Variants in RARB observed in about 807,000 individuals in gnomAD.
RARB encodes the protein retinoic acid receptor beta.
RARB carries 17 observed loss-of-function variants against 51.9 expected under a neutral mutation model. That is an observed-to-expected ratio of 0.33 (90% CI 0.22 to 0.49). The LOEUF is 0.49. Among genes scored for constraint, RARB ranks in the 20% least tolerant of loss-of-function variants. The probability of loss-of-function intolerance (pLI) is 0.99; values close to 1 mark genes in which losing one functional copy is unlikely to be tolerated. For synonymous variants in RARB, 215 were observed against 195.4 expected (o/e 1.10, Z -0.84); for missense variants, 369 against 550.8 (o/e 0.67, Z 3.30).
chr3:25,359,234 T>A (rs1382522381), intron 5 of RARB, among the ~76,000 whole-genome samples: 1 of 152,208 alleles, frequency 6.6e-6, no homozygotes, highest in Admixed American at 6.5e-5. Context: ...TAAGAATTTA[T>A]CCATTTCTTG....
chr3:25,175,593 C>A lies in RARB; in HGVS notation c.178+1018C>A, dbSNP rs1177282375. On this transcript the variant is annotated intron_variant, in intron 5 of 11. Transcript: ENST00000383772. ...GGAGCTTGTTCTACCTAAGTAGAAT[C>A]CCCGGTACATTGCCTTCAAAAATAG... is the stretch of plus-strand genomic sequence containing the variant. Among the ~76,000 whole-genome samples, 4 of 152,166 alleles carry A rather than the reference C, an allele frequency of 2.6e-5. No individual in the cohort carries two copies. The South Asian group carries it at 6.2e-4, about 24-fold the overall frequency.
chr3:25,157,563 A>G (rs1293481681), intron 4 of RARB, among the ~76,000 whole-genome samples: 1 of 89,898 alleles, frequency 1.1e-5, no homozygotes, highest in East Asian at 4.3e-4. Flanking sequence ...ACACCCAGCT[A>G]ATTTTTTATT....
intron 3 of RARB, among the ~76,000 whole-genome samples, chr3:25,536,926 T>C (rs1420617307): frequency 6.6e-6 from 1 of 152,194 alleles, no homozygotes; most frequent in African/African-American, 2.4e-5. Flanking sequence ...GAAACCCACA[T>C]TGTGCTAAAC....
chr3:24,913,011 CGCT>C, intron 2 of RARB, among the ~76,000 whole-genome samples: 1 of 70,650 alleles, frequency 1.4e-5, no homozygotes, highest in Middle Eastern at 0.011. Context: ...GACAGAGTCT[CGCT>C]CTGTCGCTCA....
At chr3:25,206,594 G>T (rs1425718059) in intron 5 of RARB, among the ~76,000 whole-genome samples, 1 of 151,844 alleles carries the variant, frequency 6.6e-6, no homozygotes, top group Non-Finnish European at 1.5e-5. Flanking sequence ...ATCTTTCTAA[G>T]CTTCCCGTGT....
intron 2 of RARB, among the ~76,000 whole-genome samples, chr3:25,033,915 A>G (rs1697930268): frequency 6.6e-6 from 1 of 152,194 alleles, no homozygotes; most frequent in Admixed American, 6.5e-5. Flanking sequence ...TTTTCTCCTC[A>G]TGAATAGTTG....
chr3:25,152,395 C>T (rs1014919654), intron 4 of RARB, among the ~76,000 whole-genome samples: 1 of 152,124 alleles, frequency 6.6e-6, no homozygotes, highest in African/African-American at 2.4e-5. Context: ...ACTTTCTGTT[C>T]TTCTTGGGTC....
chr3:25,103,961 T>G (rs1218498565), intron 3 of RARB, among the ~76,000 whole-genome samples: 1 of 152,176 alleles, frequency 6.6e-6, no homozygotes, highest in Non-Finnish European at 1.5e-5. Flanking sequence ...GAATCCAGAT[T>G]AGGTGCCCAA....
chr3:25,191,237 G>A (rs189764763), intron 5 of RARB, among the ~76,000 whole-genome samples: 1 of 152,190 alleles, frequency 6.6e-6, no homozygotes, highest in East Asian at 1.9e-4. Context: ...CAGCAATATT[G>A]CATAAATACT....
chr3:25,407,847 G>T (rs1575378938), intron 5 of RARB, among the ~76,000 whole-genome samples: 1 of 151,608 alleles, frequency 6.6e-6, no homozygotes, highest in African/African-American at 2.4e-5. Context: ...CCCTAAACAA[G>T]AAGATGGGAA....
At chr3:24,950,388 G>A (rs1057366304) in intron 2 of RARB, among the ~76,000 whole-genome samples, 2 of 152,034 alleles carry the variant, frequency 1.3e-5, no homozygotes, top group African/African-American at 2.4e-5. Flanking sequence ...CATATGATGG[G>A]GCACATTATA....
At chr3:24,849,584 A>G (rs1194132128) in intron 1 of RARB, among the ~76,000 whole-genome samples, 1 of 152,248 alleles carries the variant, frequency 6.6e-6, no homozygotes, top group Non-Finnish European at 1.5e-5. Context: ...GTATACATTG[A>G]TTAACATTGA....
chr3:25,096,672 G>A (rs540736104), intron 3 of RARB, among the ~76,000 whole-genome samples: 7 of 151,606 alleles, frequency 4.6e-5, no homozygotes, highest in Non-Finnish European at 1.0e-4. Flanking sequence ...GGAGAAGAGG[G>A]CAGCTTAGCC....
intron 2 of RARB, among the ~76,000 whole-genome samples, chr3:25,481,496 A>G (rs1696223506): frequency 6.6e-6 from 1 of 152,240 alleles, no homozygotes. Context: ...TTCCTTTTAT[A>G]ACCTAAAAGG....
chr3:25,556,331 G>A (rs897439698), intron 3 of RARB, among the ~76,000 whole-genome samples: 3 of 152,276 alleles, frequency 2.0e-5, no homozygotes, highest in Non-Finnish European at 4.4e-5. Context: ...CACTTCATAT[G>A]CTGAGACTGA....
chr3:25,420,010 G>A (rs918026875), intron 5 of RARB, among the ~76,000 whole-genome samples: 11 of 152,086 alleles, frequency 7.2e-5, no homozygotes, highest in Non-Finnish European at 1.3e-4. Context: ...GAGAAGGTGG[G>A]TTTATACCCT....
Position 25,228,037 on chromosome 3 carries a change from T to C in RARB, c.178+53462T>C, listed in dbSNP as rs117770450. Among the ~76,000 whole-genome samples the C allele has an allele frequency of 3.2e-3, 494 of 152,200 alleles. 7 individuals carry two copies. Among genetic ancestry groups the C allele is most frequent in the East Asian group, 0.028 (147 of 5,176 alleles). ...CCTGAGTTTTATATCTTGCAGGTGA[T>C]TTGACAATTTTTTGTCTCAATACTC... On this transcript the variant is annotated intron_variant, in intron 5 of 11. Coordinates refer to the RARB transcript ENST00000383772.
chr3:25,480,494 G>A (rs1696172273), intron 2 of RARB, among the ~76,000 whole-genome samples: 1 of 152,132 alleles, frequency 6.6e-6, no homozygotes, highest in Non-Finnish European at 1.5e-5. Flanking sequence ...GGTTCAAATG[G>A]TAGCTAAGGT....
chr3:25,022,595 G>A (rs1697661734), intron 2 of RARB, among the ~76,000 whole-genome samples: 1 of 152,134 alleles, frequency 6.6e-6, no homozygotes, highest in Non-Finnish European at 1.5e-5. Context: ...ATGCTTACTA[G>A]CCCTTGGCAC....
Sources: allele counts gnomAD v4.1 joint callset (sites outside exome capture counted in the v4.1 genomes callset), GRCh38; gene constraint gnomAD v4.1.1; transcripts MANE v1.5; gene names NCBI Gene and HGNC (gene_info 2026-07-23, HGNC 2026-07-21).